Variants in SP100 observed in about 807,000 individuals in gnomAD.
SP100 encodes SP100 nuclear body protein.
Under a neutral mutation model 130.0 loss-of-function variants are expected in SP100, and 84 were observed. The ratio of observed to expected loss-of-function variants is 0.65; its 90% CI spans 0.54 to 0.77. SP100 has a LOEUF of 0.77. Ranked by LOEUF, SP100 falls within the 30% of genes least tolerant of loss-of-function variation. SP100 has a pLI of 0.00. For missense variants in SP100, 978 were observed against 1,052.2 expected, an observed-to-expected ratio of 0.93 and a Z score of 0.97; for synonymous variants, 331 against 351.7, an observed-to-expected ratio of 0.94 and a Z score of 0.66.
At chr2:230,504,359 G>A (rs949789556) in intron 21 of SP100, 69 bp downstream of exon 21, 3 of 869,638 alleles carry the variant, frequency 3.4e-6, no homozygotes, top group South Asian at 1.7e-5. Flanking sequence ...CTGTTTAGGA[G>A]TAGACACTTG....
intron 15 of SP100, among the ~76,000 whole-genome samples, chr2:230,472,964 G>A (rs1332026227): frequency 3.3e-5 from 5 of 152,190 alleles, no homozygotes; most frequent in Admixed American, 2.0e-4. Flanking sequence ...GAAGGCTCCT[G>A]TTGGAGATTC....
At chr2:230,495,398 C>T (rs552326286) in intron 18 of SP100, among the ~76,000 whole-genome samples, 1 of 152,360 alleles carries the variant, frequency 6.6e-6, no homozygotes, top group African/African-American at 2.4e-5. Flanking sequence ...TCTCAGCTCA[C>T]TGCAACCTCT....
chr2:230,424,806 T>A (rs2062874882), intron 2 of SP100, among the ~76,000 whole-genome samples: 1 of 152,102 alleles, frequency 6.6e-6, no homozygotes, highest in Non-Finnish European at 1.5e-5. Context: ...AGGTCCGTGA[T>A]GGGAGTGGGA....
chr2:230,438,583 G>A (rs2063365238), intron 2 of SP100, among the ~76,000 whole-genome samples: 1 of 150,568 alleles, frequency 6.6e-6, no homozygotes, highest in Non-Finnish European at 1.5e-5. Flanking sequence ...CTCCATCCAG[G>A]ATGCTGAGAA....
chr2:230,436,629 C>T lies in SP100; in HGVS notation c.108-6308C>T, dbSNP rs564154208. On this transcript the variant is annotated intron_variant, in intron 2 of 28. Coordinates refer to ENST00000340126, the MANE Select transcript of SP100 (RefSeq NM_001080391.2). ...AACTGTAAGTCAATTAAACCTCTTT[C>T]CTTTATAAATTACCCAGTCTCGAGC... Among the ~76,000 whole-genome samples the T allele has an allele frequency of 2.6e-4, 40 of 152,286 alleles. No individual in the cohort carries two copies. In the South Asian group the frequency reaches 8.1e-3, roughly 31 times the overall value.
At chr2:230,488,264 AG>A (rs778390556) in intron 17 of SP100, among the ~76,000 whole-genome samples, 17 of 152,240 alleles carry the variant, frequency 1.1e-4, no homozygotes, top group Non-Finnish European at 2.1e-4. Context: ...GTCTTGGGCC[AG>A]TTTTCAAAGG....
chr2:230,503,252 G>A, intron 20 of SP100, 142 bp downstream of exon 20: 1 of 529,214 alleles, frequency 1.9e-6, no homozygotes, highest in East Asian at 3.2e-5. Context: ...TTCATTTTAA[G>A]ACCCTCAATA....
At chr2:230,502,699 T>C (rs1208592769) in intron 19 of SP100, among the ~76,000 whole-genome samples, 2 of 152,174 alleles carry the variant, frequency 1.3e-5, no homozygotes, top group Non-Finnish European at 2.9e-5. Flanking sequence ...AATAGAGAAA[T>C]ATAGGATACA....
At chr2:230,468,880 C>G in intron 13 of SP100, 163 bp from the exon 14 acceptor site, 1 of 362,900 alleles carries the variant, frequency 2.8e-6, no homozygotes, top group Non-Finnish European at 4.9e-6. Flanking sequence ...GATTGTGGGT[C>G]TGTGCTCCAT....
intron 24 of SP100, among the ~76,000 whole-genome samples, chr2:230,518,076 A>G (rs985121011): frequency 6.7e-6 from 1 of 150,008 alleles, no homozygotes; most frequent in Non-Finnish European, 1.5e-5. Flanking sequence ...GTACTTTCTT[A>G]AATAACTAGA....
intron 17 of SP100, among the ~76,000 whole-genome samples, chr2:230,477,650 C>A (rs1471097247): frequency 1.3e-5 from 2 of 152,082 alleles, no homozygotes; most frequent in Admixed American, 1.3e-4. Flanking sequence ...ATTGAAGGCA[C>A]TACAGAAAAG....
In SP100 at chr2:230,504,240, T is replaced by G. The variant is rs2067197737; in HGVS notation, c.1820T>G (p.Val607Gly). The stretch of plus-strand genomic sequence containing the variant: ...AATTTTAAACAATCTGAACTTCCTG[T>G]GACCTGTGGTGAGGTGAAGGGCACT... Reference protein sequence around the residue: ...NINFKQSELPVTCGEVKGTLY... With the variant: ...NINFKQSELPGTCGEVKGTLY... Residue 607 changes from valine to glycine, a missense_variant, in exon 21 of 29, where the codon GTG becomes GGG. By Grantham distance (109) the Val-to-Gly change is moderately radical. Coordinates refer to ENST00000340126, the MANE Select transcript of SP100 (RefSeq NM_001080391.2). 6.2e-7 allele frequency: 1 copy of G among 1,613,062 alleles called. No individual in the cohort carries two copies. The highest frequency in any genetic ancestry group is 8.5e-7 in the Non-Finnish European group (1 of 1,179,206).
chr2:230,447,441 G>A (rs1026896546), intron 5 of SP100, among the ~76,000 whole-genome samples: 23 of 152,136 alleles, frequency 1.5e-4, no homozygotes, highest in African/African-American at 4.8e-4. Flanking sequence ...CGCAGGTTAA[G>A]GGCTCATTCC....
intron 4 of SP100, among the ~76,000 whole-genome samples, chr2:230,446,227 G>C: frequency 6.6e-6 from 1 of 152,148 alleles, no homozygotes; most frequent in East Asian, 1.9e-4. Flanking sequence ...TCCCCCCTCA[G>C]CCTCTTGAGT....
At chr2:230,536,656 C>T (rs537199494) in intron 24 of SP100, among the ~76,000 whole-genome samples, 1 of 152,266 alleles carries the variant, frequency 6.6e-6, no homozygotes, top group African/African-American at 2.4e-5. Context: ...AATATAGATA[C>T]ATTTCTGCTA....
At chr2:230,438,668 C>T (rs1204064573) in intron 2 of SP100, among the ~76,000 whole-genome samples, 2 of 151,114 alleles carry the variant, frequency 1.3e-5, no homozygotes, top group Non-Finnish European at 2.9e-5. Context: ...CACACACACA[C>T]ACACACACAC....
At chr2:230,473,560 C>T (rs1053865887) in intron 16 of SP100, 120 bp downstream of exon 16, 2 of 585,016 alleles carry the variant, frequency 3.4e-6, no homozygotes, top group South Asian at 2.6e-5. Context: ...GGATCACCAA[C>T]AGGAAGTGGG....
In SP100 at chr2:230,545,328, A is replaced by G. The variant is rs1305491343; in HGVS notation, c.*2382A>G. Among the ~76,000 whole-genome samples the G allele has an allele frequency of 6.6e-6, 1 of 152,236 alleles. No homozygotes were observed. The highest frequency in any genetic ancestry group is 6.5e-5 in the Admixed American group (1 of 15,286). On this transcript the variant is annotated 3_prime_UTR_variant, in exon 29 of 29. Coordinates refer to ENST00000340126, the MANE Select transcript of SP100 (RefSeq NM_001080391.2). ...TTATCCTTAGCAAACTAATTCAGGA[A>G]CAGAAAACCAAATACCACAGGTTCT... is the stretch of plus-strand genomic sequence containing the variant.
chr2:230,470,475 G>T (rs998145718), intron 15 of SP100: 2 of 938,750 alleles, frequency 2.1e-6, no homozygotes, highest in Middle Eastern at 5.5e-4. Flanking sequence ...AAAGACAACT[G>T]TTCCTACTAT....
Sources: gnomAD v4.1 joint callset for allele counts (sites outside exome capture counted in the v4.1 genomes callset) on GRCh38, gnomAD v4.1.1 for gene constraint, MANE v1.5 for transcripts, NCBI Gene and HGNC (gene_info 2026-07-23, HGNC 2026-07-21) for gene names.